Variants in USP4 observed in about 807,000 individuals in gnomAD.
The protein encoded by USP4 is ubiquitin carboxyl-terminal hydrolase 4.
Under a neutral mutation model 118.2 loss-of-function variants are expected in USP4, and 72 were observed. That is an observed-to-expected ratio of 0.61 (90% CI 0.50 to 0.74). USP4 has a LOEUF of 0.74. Ranked by LOEUF, USP4 falls within the 30% of genes least tolerant of loss-of-function variation. The pLI is 0.00. For missense variants in USP4, 1,037 were observed against 1,185.7 expected (o/e 0.87, Z 1.84); for synonymous variants, 415 against 440.4 (o/e 0.94, Z 0.72).
chr3:49,278,265 A>G lies in USP4; in HGVS notation c.*28T>C. The G allele has an allele frequency of 1.9e-6, 3 of 1,608,452 alleles. No individual in the cohort carries two copies. Among genetic ancestry groups the G allele is most frequent in the Non-Finnish European group, 2.5e-6 (3 of 1,177,910 alleles). On this transcript the variant is annotated 3_prime_UTR_variant, in exon 22 of 22. Transcript: ENST00000265560. The stretch of plus-strand genomic sequence containing the variant: ...TCTCCTGGGGGATTACACTGGCGCT[A>G]CAGGGTGGCAGGATCGTGGAGTCAG...
chr3:49,317,315 G>T, intron 6 of USP4: 1 of 1,394,134 alleles, frequency 7.2e-7, no homozygotes, highest in Non-Finnish European at 1.0e-6. Flanking sequence ...TTCTCTGTCA[G>T]CTGCCTCACC....
At chr3:49,319,767 C>G (rs543821711) in intron 6 of USP4, among the ~76,000 whole-genome samples, 7 of 152,028 alleles carry the variant, frequency 4.6e-5, no homozygotes, top group Non-Finnish European at 5.9e-5. Flanking sequence ...GTGCACGCCA[C>G]CACTCCTGGC....
At chr3:49,323,522 A>G (rs2047522454) in intron 6 of USP4, among the ~76,000 whole-genome samples, 1 of 152,164 alleles carries the variant, frequency 6.6e-6, no homozygotes, top group Non-Finnish European at 1.5e-5. Flanking sequence ...TAGGATATGG[A>G]TATCTCAGGG....
chr3:49,298,673 C>T lies in USP4; in HGVS notation c.1513-38G>A, dbSNP rs371880767. On this transcript the variant is annotated intron_variant, in intron 11 of 21. Coordinates refer to ENST00000265560, the MANE Select transcript of USP4 (RefSeq NM_003363.4). ...GATGGTCAAGGTCACAGGGGTGCCC[C>T]ACAAAGGGTGCGAAATGCATTAGGA... The T allele has an allele frequency of 2.3e-5, 36 of 1,595,918 alleles. No individual in the cohort carries two copies. In the African/African-American group the frequency reaches 3.6e-4, roughly 16 times the overall value.
chr3:49,292,743 A>G, intron 14 of USP4, 145 bp from the exon 15 acceptor site: 1 of 587,556 alleles, frequency 1.7e-6, no homozygotes, highest in South Asian at 2.2e-5. Flanking sequence ...GAAGTGCTTT[A>G]GAATTATCCA....
At chr3:49,319,157 G>A (rs1448325186) in intron 6 of USP4, among the ~76,000 whole-genome samples, 1 of 149,018 alleles carries the variant, frequency 6.7e-6, no homozygotes, top group Non-Finnish European at 1.5e-5. Flanking sequence ...AAAAAAAAAA[G>A]AAATATATAA....
chr3:49,278,261 C>T lies in USP4; in HGVS notation c.*32G>A, dbSNP rs200532004. The T allele has an allele frequency of 2.0e-5, 32 of 1,605,044 alleles. No homozygotes were observed. Among genetic ancestry groups the T allele is most frequent in the East Asian group, 4.5e-5 (2 of 44,756 alleles). On this transcript the variant is annotated 3_prime_UTR_variant, in exon 22 of 22. Coordinates refer to ENST00000265560, the MANE Select transcript of USP4 (RefSeq NM_003363.4). ...ATGTTCTCCTGGGGGATTACACTGG[C>T]GCTACAGGGTGGCAGGATCGTGGAG...
At chr3:49,287,821 G>GA (rs1217294264) in intron 15 of USP4, among the ~76,000 whole-genome samples, 1 of 151,972 alleles carries the variant, frequency 6.6e-6, no homozygotes, top group African/African-American at 2.4e-5. Flanking sequence ...CGTTCCTCCA[G>GA]AAAAAAACCT....
At chr3:49,282,494 G>A (rs963802882) in intron 19 of USP4, among the ~76,000 whole-genome samples, 4 of 151,906 alleles carry the variant, frequency 2.6e-5, no homozygotes, top group Non-Finnish European at 2.9e-5. Flanking sequence ...GGTCAGGCTG[G>A]TCTCAAACTC....
chr3:49,338,200 G>A (rs1007017699), intron 1 of USP4, among the ~76,000 whole-genome samples: 2 of 151,966 alleles, frequency 1.3e-5, no homozygotes, highest in Admixed American at 1.3e-4. Flanking sequence ...GCTTCCCAGA[G>A]GTCACAAGGA....
Position 49,284,155 on chromosome 3 carries a change from A to G in USP4, c.2391-19T>C. The G allele has an allele frequency of 1.2e-6, 2 of 1,614,068 alleles. No homozygotes were observed. The highest frequency in any genetic ancestry group is 1.7e-6 in the Non-Finnish European group (2 of 1,179,990). On this transcript the variant is annotated intron_variant, in intron 18 of 21. Transcript: ENST00000265560. ...ACAGTACCTAAAAAGAGAAACCTCC[A>G]CTTAGCAGGGCAAGCCGGCAGCCAG...
intron 15 of USP4, among the ~76,000 whole-genome samples, chr3:49,290,796 T>C (rs879837970): frequency 2.6e-5 from 4 of 152,066 alleles, no homozygotes; most frequent in African/African-American, 4.8e-5. Flanking sequence ...ATTACAGGCA[T>C]GAGCCATCGC....
At chr3:49,284,340 G>A in intron 18 of USP4, 126 bp downstream of exon 18, 1 of 1,037,686 alleles carries the variant, frequency 9.6e-7, no homozygotes, top group Non-Finnish European at 1.4e-6. Context: ...GGATTATGTT[G>A]TAGGGTTAGC....
At chr3:49,333,731 A>G (rs1235148264) in intron 2 of USP4, among the ~76,000 whole-genome samples, 3 of 152,152 alleles carry the variant, frequency 2.0e-5, no homozygotes, top group African/African-American at 2.4e-5. Context: ...AAACAATTAC[A>G]ATAGCAACAT....
intron 2 of USP4, among the ~76,000 whole-genome samples, chr3:49,331,114 A>T (rs963543911): frequency 1.3e-5 from 2 of 151,408 alleles, no homozygotes; most frequent in Admixed American, 6.6e-5. Flanking sequence ...TGAGGTCGAG[A>T]GTTCGAGACC....
chr3:49,278,239 T>TTC lies in USP4; in HGVS notation c.*52_*53dup, dbSNP rs2046982476. On this transcript the variant is annotated 3_prime_UTR_variant, in exon 22 of 22. Transcript: ENST00000265560. ...AGCAGTCTGCAGAGTGTCAAAGATG[T>TTC]TCTCCTGGGGGATTACACTGGCGCT... The TTC allele has an allele frequency of 1.3e-6, 2 of 1,579,338 alleles. No individual in the cohort carries two copies. The highest frequency in any genetic ancestry group is 1.7e-6 in the Non-Finnish European group (2 of 1,164,574).
chr3:49,302,726 G>A (rs966573491), intron 9 of USP4, among the ~76,000 whole-genome samples, 184 bp from the exon 10 acceptor site: 2 of 152,152 alleles, frequency 1.3e-5, no homozygotes, highest in African/African-American at 2.4e-5. Context: ...CAGAAAGAAG[G>A]CCTAGATCAG....
At chr3:49,282,209 CA>C (rs2047038255) in intron 19 of USP4, among the ~76,000 whole-genome samples, 1 of 152,114 alleles carries the variant, frequency 6.6e-6, no homozygotes, top group South Asian at 2.1e-4. Context: ...TCAACCAAAA[CA>C]GGCCCCAGAA....
rs1170830280 is a variant in USP4 at position 49,330,421 on chromosome 3, G to C, written c.230-2605C>G. ...CGGCTCACTGCAAGCTCCACCTCTC[G>C]GGTTCATGCTATTCTCCCGCCTCAG... On this transcript the variant is annotated intron_variant, in intron 2 of 21. Coordinates refer to ENST00000265560, the MANE Select transcript of USP4 (RefSeq NM_003363.4). Among the ~76,000 whole-genome samples, 7 of 151,446 alleles carry C rather than the reference G, an allele frequency of 4.6e-5. No homozygotes were observed. In the South Asian group the frequency reaches 1.3e-3, roughly 27 times the overall value.
Sources: gnomAD v4.1 joint callset for allele counts (sites outside exome capture counted in the v4.1 genomes callset) on GRCh38, gnomAD v4.1.1 for gene constraint, MANE v1.5 for transcripts, NCBI Gene and HGNC (gene_info 2026-07-23, HGNC 2026-07-21) for gene names.